The following RGS7 variants were observed in gnomAD, a reference collection of about 807,000 sequenced individuals.
RGS7 encodes regulator of G protein signaling 7.
In RGS7, 27 loss-of-function variants were observed where a neutral mutation model predicts 81.1. That is an observed-to-expected ratio of 0.33 (90% confidence interval 0.25 to 0.46). RGS7 has a LOEUF of 0.46. Among genes scored for constraint, RGS7 ranks in the 20% least tolerant of loss-of-function variants. RGS7 has a pLI of 1.00. For missense variants in RGS7, 396 were observed against 607.4 expected (o/e 0.65, Z 3.66); for synonymous variants, 208 against 207.7 (o/e 1.00, Z -0.01).
chr1:241,321,754 T>C (rs771041681), intron 2 of RGS7, among the ~76,000 whole-genome samples: 1 of 152,198 alleles, frequency 6.6e-6, no homozygotes, highest in Non-Finnish European at 1.5e-5. Flanking sequence ...ATCTATTATA[T>C]ACATAGTAGC....
chr1:241,188,884 G>C (rs977609324), intron 2 of RGS7, among the ~76,000 whole-genome samples: 3 of 152,108 alleles, frequency 2.0e-5, no homozygotes, highest in Non-Finnish European at 2.9e-5. Flanking sequence ...TACTTTGAAG[G>C]CTTCGAAATT....
At chr1:240,882,205 G>A (rs535969144) in intron 6 of RGS7, among the ~76,000 whole-genome samples, 19 of 152,272 alleles carry the variant, frequency 1.2e-4, no homozygotes, top group South Asian at 4.1e-4. Flanking sequence ...ATGAGCCACC[G>A]TGCCCGGCCT....
chr1:240,930,868 A>C, intron 5 of RGS7, 100 bp from the exon 6 acceptor site: 1 of 1,132,070 alleles, frequency 8.8e-7, no homozygotes, highest in Non-Finnish European at 1.3e-6. Context: ...TCTCTATATT[A>C]GTTTGCTATA....
chr1:241,281,400 G>A (rs772179335), intron 2 of RGS7, among the ~76,000 whole-genome samples: 45 of 152,306 alleles, frequency 3.0e-4, no homozygotes, highest in South Asian at 8.3e-4. Context: ...CAGCCAGTTC[G>A]TCTCTCCAGT....
At chr1:241,125,758 C>T (rs140651410) in intron 2 of RGS7, among the ~76,000 whole-genome samples, 16 of 152,318 alleles carry the variant, frequency 1.1e-4, no homozygotes, top group Non-Finnish European at 1.5e-4. Flanking sequence ...ACAGAAGCAG[C>T]CTGGGGCTGA....
chr1:240,978,611 TA>T (rs1179497593), intron 4 of RGS7, among the ~76,000 whole-genome samples: 9 of 152,056 alleles, frequency 5.9e-5, no homozygotes, highest in African/African-American at 1.9e-4. Context: ...GAGAGAAAGC[TA>T]AAAAATGAAT....
At chr1:240,901,908 C>T (rs921811246) in intron 6 of RGS7, among the ~76,000 whole-genome samples, 2 of 152,210 alleles carry the variant, frequency 1.3e-5, no homozygotes, top group East Asian at 1.9e-4. Context: ...TTCTCTGATA[C>T]ACCTAGTAAT....
At chr1:241,071,922 T>C (rs1040525094) in intron 3 of RGS7, among the ~76,000 whole-genome samples, 3 of 131,170 alleles carry the variant, frequency 2.3e-5, no homozygotes, top group Admixed American at 7.8e-5. Context: ...GGAAAGAATA[T>C]ACTATGTGAT....
chr1:240,987,469 T>C (rs968942202), intron 3 of RGS7, among the ~76,000 whole-genome samples: 4 of 152,130 alleles, frequency 2.6e-5, no homozygotes, highest in African/African-American at 9.7e-5. Context: ...CAAATATTTT[T>C]ATTTAGTGAA....
chr1:240,780,913 CAAAAAAAAAAA>C (rs35853032), intron 18 of RGS7, among the ~76,000 whole-genome samples: 3 of 64,226 alleles, frequency 4.7e-5, no homozygotes, highest in Non-Finnish European at 1.0e-4. Context: ...GACTCTGTCT[CAAAAAAAAAAA>C]AAAAAAAAGA....
chr1:240,800,531 G>GA, intron 18 of RGS7, 110 bp downstream of exon 18: 1 of 504,750 alleles, frequency 2.0e-6, no homozygotes, highest in Non-Finnish European at 3.5e-6. Flanking sequence ...CCACTGAACT[G>GA]GCCATCACAG....
intron 2 of RGS7, among the ~76,000 whole-genome samples, chr1:241,222,561 T>C (rs946884299): frequency 5.3e-5 from 8 of 152,184 alleles, no homozygotes; most frequent in African/African-American, 1.9e-4. Flanking sequence ...AGCAGAGCTC[T>C]TGAGCTATAT....
chr1:241,097,383 T>C (rs1010609438), intron 3 of RGS7, among the ~76,000 whole-genome samples: 16 of 152,106 alleles, frequency 1.1e-4, no homozygotes, highest in Non-Finnish European at 4.4e-5. Flanking sequence ...CATTCCACAG[T>C]AGCTCTCCTC....
intron 3 of RGS7, among the ~76,000 whole-genome samples, chr1:241,037,833 A>G (rs3003551): frequency 0.98 from 148,651 of 152,212 alleles, 72,686 homozygotes; most frequent in East Asian, 1. Flanking sequence ...GGATGGAGTC[A>G]GAGGCCATTA....
intron 6 of RGS7, among the ~76,000 whole-genome samples, chr1:240,914,600 G>A (rs1672289555): frequency 2.0e-5 from 3 of 152,278 alleles, no homozygotes; most frequent in South Asian, 4.1e-4. Flanking sequence ...TGAAGAGGGT[G>A]TAAAAAAGAA....
At position 241,276,426 on chromosome 1, in the gene RGS7, C is replaced by T. The variant is rs531487108; in HGVS notation, c.78+79273G>A. 8.5e-5 allele frequency among the ~76,000 whole-genome samples: 13 copies of T among 152,140 alleles called. No individual in the cohort carries two copies. In the South Asian group the frequency reaches 2.1e-3, roughly 24 times the overall value. ...CATAGGCAGAGATATATCTTCCTAG[C>T]CAAAAAGAAAAAATATAGTTCTTAA... On this transcript the variant is annotated intron_variant, in intron 2 of 18. Transcript: ENST00000440928.
At chr1:241,307,293 C>A (rs1461540362) in intron 2 of RGS7, among the ~76,000 whole-genome samples, 2 of 152,306 alleles carry the variant, frequency 1.3e-5, no homozygotes, top group East Asian at 3.9e-4. Flanking sequence ...TTACTAAATT[C>A]ATGCGCCTAT....
intron 2 of RGS7, among the ~76,000 whole-genome samples, chr1:241,352,863 A>G (rs1232884577): frequency 6.6e-6 from 1 of 152,246 alleles, no homozygotes; most frequent in African/African-American, 2.4e-5. Context: ...TTTTCTGTGT[A>G]TTCCACTTTG....
intron 4 of RGS7, among the ~76,000 whole-genome samples, chr1:240,974,109 C>G (rs954910534): frequency 6.6e-6 from 1 of 152,118 alleles, no homozygotes; most frequent in African/African-American, 2.4e-5. Flanking sequence ...TTAATTCATT[C>G]GGTGATAATT....
Sources: gnomAD v4.1 joint callset for allele counts (sites outside exome capture counted in the v4.1 genomes callset) on GRCh38, gnomAD v4.1.1 for gene constraint, MANE v1.5 for transcripts, NCBI Gene and HGNC (gene_info 2026-07-23, HGNC 2026-07-21) for gene names.